The following UNC5D variants were observed in gnomAD, a reference collection of about 807,000 sequenced individuals.
The protein encoded by UNC5D is unc-5 netrin receptor D, also known as netrin receptor UNC5D.
A neutral mutation model predicts 105.4 loss-of-function variants in UNC5D; 39 were observed. The observed-to-expected ratio is 0.37, with a 90% CI of 0.29 to 0.48. The LOEUF is 0.48. UNC5D is among the 20% of genes least tolerant of loss of function. The pLI is 0.98. For missense variants in UNC5D, 991 were observed against 1,202.4 expected, an observed-to-expected ratio of 0.82 and a Z score of 2.60; for synonymous variants, 452 against 450.4, an observed-to-expected ratio of 1.00 and a Z score of -0.04.
At chr8:35,618,630 GGTATTTAACTAT>G (rs1291072144) in intron 4 of UNC5D, among the ~76,000 whole-genome samples, 10 of 152,108 alleles carry the variant, frequency 6.6e-5, no homozygotes, top group African/African-American at 1.2e-4. Flanking sequence ...CTTTCTCCTA[GGTATTTAACTAT>G]GTGATTCTGT....
At chr8:35,383,828 C>T (rs1307943019) in intron 1 of UNC5D, among the ~76,000 whole-genome samples, 1 of 152,134 alleles carries the variant, frequency 6.6e-6, no homozygotes, top group African/African-American at 2.4e-5. Flanking sequence ...CCTGTAATCC[C>T]AGGGCTTTGG....
chr8:35,646,988 A>G (rs1586329551), intron 4 of UNC5D, among the ~76,000 whole-genome samples: 1 of 152,214 alleles, frequency 6.6e-6, no homozygotes, highest in East Asian at 1.9e-4. Context: ...TTAACCAATA[A>G]TTGTATTTCC....
intron 1 of UNC5D, among the ~76,000 whole-genome samples, chr8:35,482,683 G>C (rs1418857705): frequency 6.6e-6 from 1 of 151,216 alleles, no homozygotes; most frequent in Non-Finnish European, 1.5e-5. Context: ...CACAGATGCT[G>C]ACCTCATGAA....
intron 1 of UNC5D, among the ~76,000 whole-genome samples, chr8:35,432,647 T>A (rs1459380650): frequency 6.6e-6 from 1 of 152,166 alleles, no homozygotes; most frequent in Admixed American, 6.5e-5. Flanking sequence ...AAGAGGAAAG[T>A]GTTTCAGGGT....
intron 8 of UNC5D, among the ~76,000 whole-genome samples, chr8:35,710,792 C>T (rs970304098): frequency 4.6e-5 from 7 of 152,254 alleles, no homozygotes; most frequent in Middle Eastern, 3.4e-3. Context: ...AAAATTCAGG[C>T]CATCTTCATT....
intron 1 of UNC5D, among the ~76,000 whole-genome samples, chr8:35,384,924 A>C (rs928878015): frequency 3.3e-5 from 5 of 152,188 alleles, no homozygotes; most frequent in Non-Finnish European, 7.4e-5. Context: ...AAGGGGAGTC[A>C]GTTACATGGG....
intron 1 of UNC5D, among the ~76,000 whole-genome samples, chr8:35,290,911 G>A (rs1807015090): frequency 6.7e-6 from 1 of 148,322 alleles, no homozygotes. Flanking sequence ...TCGTGTCATT[G>A]CACTCCAGCC....
At chr8:35,559,958 C>T (rs567445518) in intron 2 of UNC5D, among the ~76,000 whole-genome samples, 200 of 152,150 alleles carry the variant, frequency 1.3e-3, no homozygotes, top group African/African-American at 4.5e-3. Context: ...CTGTGCTGCT[C>T]CATTATGTTT....
At chr8:35,527,541 C>A (rs368365407) in intron 1 of UNC5D, among the ~76,000 whole-genome samples, 20 of 152,072 alleles carry the variant, frequency 1.3e-4, no homozygotes, top group Middle Eastern at 3.4e-3. Context: ...TCTCCTGTTT[C>A]TCCTGTTTTC....
intron 4 of UNC5D, among the ~76,000 whole-genome samples, chr8:35,629,264 G>A (rs555405966): frequency 1.8e-4 from 27 of 152,242 alleles, no homozygotes; most frequent in African/African-American, 6.3e-4. Context: ...ATATCTCAGT[G>A]TGGTTTTAAT....
intron 1 of UNC5D, among the ~76,000 whole-genome samples, chr8:35,240,457 A>G (rs1188376218): frequency 2.0e-5 from 3 of 152,230 alleles, no homozygotes; most frequent in East Asian, 3.8e-4. Context: ...TACTCCTAAT[A>G]ATAGTACTTA....
intron 1 of UNC5D, among the ~76,000 whole-genome samples, chr8:35,312,170 C>T (rs375681040): frequency 1.3e-5 from 2 of 152,166 alleles, no homozygotes; most frequent in Non-Finnish European, 2.9e-5. Flanking sequence ...TGTGATGCCT[C>T]CTTGTCATCA....
At chr8:35,331,209 A>G (rs1337003877) in intron 1 of UNC5D, among the ~76,000 whole-genome samples, 2 of 152,196 alleles carry the variant, frequency 1.3e-5, no homozygotes, top group African/African-American at 2.4e-5. Flanking sequence ...TTAAAAGAAC[A>G]GGAGAGTTAT....
intron 4 of UNC5D, among the ~76,000 whole-genome samples, chr8:35,652,376 C>T (rs775774686): frequency 1.3e-5 from 2 of 152,178 alleles, no homozygotes; most frequent in East Asian, 1.9e-4. Context: ...CAAACTGAGA[C>T]ATTACTTACC....
chr8:35,760,740 C>T (rs965360002), intron 14 of UNC5D, among the ~76,000 whole-genome samples: 2 of 151,872 alleles, frequency 1.3e-5, no homozygotes, highest in African/African-American at 4.8e-5. Flanking sequence ...TGTGTAGCGT[C>T]CTCTGCGTTT....
At chr8:35,465,207 G>C (rs532607459) in intron 1 of UNC5D, among the ~76,000 whole-genome samples, 1 of 152,136 alleles carries the variant, frequency 6.6e-6, no homozygotes, top group Non-Finnish European at 1.5e-5. Flanking sequence ...CATGGGCAAC[G>C]TGGCAAAACA....
intron 4 of UNC5D, among the ~76,000 whole-genome samples, chr8:35,677,468 AT>A (rs1206650148): frequency 6.6e-5 from 10 of 151,508 alleles, no homozygotes; most frequent in South Asian, 2.1e-4. Context: ...GGTGTAGAGA[AT>A]TTTTTTTTCC....
intron 1 of UNC5D, among the ~76,000 whole-genome samples, chr8:35,418,584 C>T (rs1805678965): frequency 6.6e-6 from 1 of 152,086 alleles, no homozygotes; most frequent in East Asian, 1.9e-4. Context: ...AACTGTGTGT[C>T]AGAATGGTAT....
intron 7 of UNC5D, among the ~76,000 whole-genome samples, chr8:35,687,001 G>A (rs1160450264): frequency 6.6e-6 from 1 of 152,142 alleles, no homozygotes; most frequent in Admixed American, 6.5e-5. Flanking sequence ...CAGACTTTTA[G>A]AAGCTACCAT....
Sources: allele counts gnomAD v4.1 joint callset (sites outside exome capture counted in the v4.1 genomes callset), GRCh38; gene constraint gnomAD v4.1.1; transcripts MANE v1.5; gene names NCBI Gene and HGNC (gene_info 2026-07-23, HGNC 2026-07-21).